Variants in RIMS2 observed in about 807,000 individuals in gnomAD.
RIMS2 encodes the protein regulating synaptic membrane exocytosis protein 2.
Under a neutral mutation model 174.4 loss-of-function variants are expected in RIMS2, and 59 were observed. The observed-to-expected ratio is 0.34, with a 90% CI of 0.27 to 0.42. RIMS2 has a LOEUF of 0.42. Among genes scored for constraint, RIMS2 ranks in the 10% least tolerant of loss-of-function variants. The pLI is 1.00. For missense variants in RIMS2, 1,620 were observed against 1,666.3 expected, an observed-to-expected ratio of 0.97 and a Z score of 0.48; for synonymous variants, 606 against 572.5, an observed-to-expected ratio of 1.06 and a Z score of -0.84.
At chr8:104,033,710 A>G (rs1413431117) in intron 19 of RIMS2, among the ~76,000 whole-genome samples, 6 of 151,902 alleles carry the variant, frequency 3.9e-5, no homozygotes, top group Non-Finnish European at 7.4e-5. Context: ...TAAGTATGCA[A>G]TATTCTAAGG....
intron 19 of RIMS2, among the ~76,000 whole-genome samples, chr8:104,041,078 T>C (rs2096600555): frequency 6.6e-6 from 1 of 151,752 alleles, no homozygotes; most frequent in African/African-American, 2.4e-5. Flanking sequence ...TTCTGGATCT[T>C]CTTTATTTCT....
chr8:103,697,685 G>T (rs961626813), intron 2 of RIMS2, among the ~76,000 whole-genome samples: 2 of 152,114 alleles, frequency 1.3e-5, no homozygotes, highest in Admixed American at 1.3e-4. Context: ...CCATGATTGT[G>T]CCACTGCACT....
rs117938021 is a variant in RIMS2 at position 103,972,008 on chromosome 8, T to C, written c.2771-3342T>C. On this transcript the variant is annotated intron_variant, in intron 15 of 23. Transcript: ENST00000504942. The stretch of plus-strand genomic sequence containing the variant: ...ATGGCCTGAACTCTATTCTTGGATC[T>C]TTTCTCTATCTTACTCCTTCTCCTA... Among the ~76,000 whole-genome samples, 595 of 152,322 alleles carry C rather than the reference T, an allele frequency of 3.9e-3. 2 individuals are homozygous for C. Among genetic ancestry groups the C allele is most frequent in the Non-Finnish European group, 7.2e-3 (488 of 68,036 alleles).
intron 1 of RIMS2, among the ~76,000 whole-genome samples, chr8:103,531,429 A>T (rs1837086565): frequency 6.6e-6 from 1 of 152,232 alleles, no homozygotes; most frequent in Admixed American, 6.5e-5. Context: ...AATCACAAGG[A>T]AAATTAAAAA....
intron 1 of RIMS2, among the ~76,000 whole-genome samples, chr8:103,528,771 A>G (rs1000045956): frequency 1.3e-5 from 2 of 152,176 alleles, no homozygotes; most frequent in Non-Finnish European, 2.9e-5. Flanking sequence ...TGGTACCAGT[A>G]GCATGCTGTT....
At chr8:103,641,296 T>C (rs2096224540) in intron 1 of RIMS2, among the ~76,000 whole-genome samples, 1 of 152,172 alleles carries the variant, frequency 6.6e-6, no homozygotes, top group Non-Finnish European at 1.5e-5. Flanking sequence ...AATGATTTAA[T>C]ACATTAATAT....
chr8:103,942,693 T>C (rs957477117), intron 13 of RIMS2, 80 bp from the exon 16 acceptor site: 2 of 1,012,788 alleles, frequency 2.0e-6, no homozygotes, highest in Non-Finnish European at 2.8e-6. Context: ...TAATTATTAC[T>C]ACAAAAGTTA....
Position 104,049,929 on chromosome 8 carries a change from GC to G in RIMS2, c.3334+35317del, listed in dbSNP as rs947400416. Among the ~76,000 whole-genome samples, 16 of 152,166 alleles carry G rather than the reference GC, an allele frequency of 1.1e-4. No individual in the cohort carries two copies. In the South Asian group the frequency reaches 1.2e-3, roughly 12 times the overall value. ...TTCCTTCTTTAAATATGTTTCTAAT[GC>G]CCAAATGTATATTTTGTGCTCAGAA... On this transcript the variant is annotated intron_variant, in intron 19 of 23. Coordinates refer to ENST00000504942, the Ensembl canonical transcript of RIMS2.
At chr8:103,574,433 T>C (rs2093059878) in intron 1 of RIMS2, among the ~76,000 whole-genome samples, 1 of 152,186 alleles carries the variant, frequency 6.6e-6, no homozygotes, top group South Asian at 2.1e-4. Flanking sequence ...TTCACAGCCT[T>C]GTCCTGAACT....
intron 19 of RIMS2, among the ~76,000 whole-genome samples, chr8:104,130,119 G>A (rs1259884025): frequency 5.3e-5 from 8 of 152,076 alleles, no homozygotes; most frequent in Admixed American, 5.2e-4. Flanking sequence ...CACGTATCAG[G>A]TAGTAGGCTG....
At chr8:103,626,053 G>A (rs550787661) in intron 1 of RIMS2, among the ~76,000 whole-genome samples, 3 of 152,078 alleles carry the variant, frequency 2.0e-5, no homozygotes, top group Admixed American at 2.0e-4. Context: ...ATAAGTATGT[G>A]ATAAATGTTG....
intron 19 of RIMS2, among the ~76,000 whole-genome samples, chr8:104,160,545 G>A (rs75832062): frequency 6.6e-6 from 1 of 152,050 alleles, no homozygotes; most frequent in Non-Finnish European, 1.5e-5. Flanking sequence ...CTTTTGTTAA[G>A]GAATATTTAT....
chr8:103,898,809 G>C (rs1020367459), intron 4 of RIMS2, among the ~76,000 whole-genome samples: 1 of 151,176 alleles, frequency 6.6e-6, no homozygotes, highest in Non-Finnish European at 1.5e-5. Context: ...GTGCCATGTT[G>C]GTGTGCTGCA....
At chr8:103,916,884 A>G (rs1488612367) in intron 8 of RIMS2, among the ~76,000 whole-genome samples, 1 of 152,150 alleles carries the variant, frequency 6.6e-6, no homozygotes, top group African/African-American at 2.4e-5. Flanking sequence ...AGAGATTTCA[A>G]CATAGGAAAG....
chr8:103,708,168 C>A (rs908171561), intron 2 of RIMS2, among the ~76,000 whole-genome samples: 4 of 152,186 alleles, frequency 2.6e-5, no homozygotes, highest in African/African-American at 9.7e-5. Flanking sequence ...ACTGCAGTTG[C>A]TATGGCCTGG....
At chr8:104,252,183 C>A, downstream of RIMS2, 1 of 249,182 alleles carries the variant, frequency 4.0e-6, no homozygotes, top group Non-Finnish European at 7.8e-6. Context: ...TATCTAACCC[C>A]AAAGCCCTGA....
chr8:104,080,440 T>A (rs971352436), intron 19 of RIMS2, among the ~76,000 whole-genome samples: 6 of 152,020 alleles, frequency 3.9e-5, no homozygotes, highest in Non-Finnish European at 7.4e-5. Context: ...AGTGTAAGGC[T>A]CTCTACTAGA....
At chr8:103,995,368 G>A (rs1565743908) in intron 17 of RIMS2, among the ~76,000 whole-genome samples, 3 of 152,074 alleles carry the variant, frequency 2.0e-5, no homozygotes, top group Admixed American at 2.0e-4. Context: ...TACTGGAACA[G>A]ATTGGAGAGA....
intron 19 of RIMS2, among the ~76,000 whole-genome samples, chr8:104,236,064 G>A (rs954981351): frequency 2.3e-5 from 3 of 132,992 alleles, no homozygotes; most frequent in Non-Finnish European, 3.2e-5. Context: ...CCAACATTCT[G>A]GATTTTTTTT....
Sources: allele counts gnomAD v4.1 joint callset (sites outside exome capture counted in the v4.1 genomes callset), GRCh38; gene constraint gnomAD v4.1.1; transcripts MANE v1.5; gene names NCBI Gene and HGNC (gene_info 2026-07-23, HGNC 2026-07-21).